IL1RAPL1: variants seen among roughly 807,000 people sequenced by gnomAD.
IL1RAPL1 encodes the protein interleukin-1 receptor accessory protein-like 1.
Under a neutral mutation model 48.4 loss-of-function variants are expected in IL1RAPL1, and 3 were observed. That is an observed-to-expected ratio of 0.06 (90% confidence interval 0.03 to 0.16). IL1RAPL1 has a LOEUF of 0.16. Among genes scored for constraint, IL1RAPL1 ranks in the 10% least tolerant of loss-of-function variants. The pLI, the probability that IL1RAPL1 is intolerant of heterozygous loss-of-function variation, is 1.00. For synonymous variants in IL1RAPL1, 185 were observed against 187.7 expected (o/e 0.99, Z 0.12); for missense variants, 349 against 530.6 (o/e 0.66, Z 3.36).
chrX:29,183,288 G>A (rs746962596), intron 2 of IL1RAPL1, among the ~76,000 whole-genome samples: 4 of 111,292 alleles, frequency 3.6e-5, no homozygotes, highest in Admixed American at 1.9e-4. Context: ...GACTGAGTTC[G>A]CTCTGATCAT....
At chrX:29,306,666 G>C (rs1279507544) in intron 3 of IL1RAPL1, among the ~76,000 whole-genome samples, 1 of 104,895 alleles carries the variant, frequency 9.5e-6, no homozygotes, top group Non-Finnish European at 1.9e-5. Flanking sequence ...TTCACGACCA[G>C]CCTGGCCAAT....
At chrX:28,929,771 G>A (rs1227001568) in intron 2 of IL1RAPL1, among the ~76,000 whole-genome samples, 3 of 112,217 alleles carry the variant, frequency 2.7e-5, no homozygotes, top group Non-Finnish European at 5.6e-5. Context: ...GTTGGTGTGA[G>A]GAATTTGTGA....
intron 6 of IL1RAPL1, among the ~76,000 whole-genome samples, chrX:29,784,926 A>C (rs1314546996): frequency 8.9e-6 from 1 of 112,277 alleles, no homozygotes. Flanking sequence ...TTAAAAGAAT[A>C]AAATTAGTTC....
intron 6 of IL1RAPL1, among the ~76,000 whole-genome samples, chrX:29,753,819 G>A (rs1436907455): frequency 8.9e-6 from 1 of 111,907 alleles, no homozygotes; most frequent in East Asian, 2.8e-4. Flanking sequence ...ATTTTCAAAA[G>A]TGCTGAAATA....
At chrX:29,301,963 AG>A (rs1361428617) in intron 3 of IL1RAPL1, among the ~76,000 whole-genome samples, 3 of 111,384 alleles carry the variant, frequency 2.7e-5, no homozygotes, top group Non-Finnish European at 5.7e-5. Context: ...GAGCTTCAGA[AG>A]GGAAAAGCAA....
chrX:28,749,554 A>G (rs1029804334), intron 1 of IL1RAPL1, among the ~76,000 whole-genome samples: 4 of 111,579 alleles, frequency 3.6e-5, no homozygotes, highest in African/African-American at 1.3e-4. Flanking sequence ...GGCCATTTGT[A>G]TGTCTTCTTT....
intron 3 of IL1RAPL1, among the ~76,000 whole-genome samples, chrX:29,309,886 G>A (rs1381588647): frequency 9.3e-6 from 1 of 106,968 alleles, no homozygotes; most frequent in Non-Finnish European, 1.9e-5. Flanking sequence ...ACGAGGTCAG[G>A]AGATGGAGAC....
At chrX:29,197,707 AT>A (rs201963010) in intron 2 of IL1RAPL1, among the ~76,000 whole-genome samples, 1,100 of 93,742 alleles carry the variant, frequency 0.012, 2 homozygotes, top group Admixed American at 0.031. Context: ...TTCAGTGAGA[AT>A]TTTTTTTTTT....
chrX:29,022,093 A>G (rs1602015784), intron 2 of IL1RAPL1, among the ~76,000 whole-genome samples: 2 of 111,141 alleles, frequency 1.8e-5, no homozygotes, highest in South Asian at 7.5e-4. Flanking sequence ...TTCCATTTGC[A>G]CCTTCACCAG....
intron 3 of IL1RAPL1, among the ~76,000 whole-genome samples, chrX:29,294,682 A>G (rs1932423797): frequency 1.8e-5 from 2 of 111,350 alleles, no homozygotes; most frequent in Non-Finnish European, 3.8e-5. Context: ...TTACACAGAC[A>G]GGTGGTGGGA....
intron 1 of IL1RAPL1, among the ~76,000 whole-genome samples, chrX:28,658,018 T>C (rs757727162): frequency 3.9e-4 from 44 of 112,058 alleles, no homozygotes; most frequent in African/African-American, 1.4e-3. Flanking sequence ...ATCAACAACA[T>C]TGTGTTATGA....
At chrX:29,859,956 G>T (rs1931545163) in intron 6 of IL1RAPL1, among the ~76,000 whole-genome samples, 1 of 111,971 alleles carries the variant, frequency 8.9e-6, no homozygotes, top group Admixed American at 9.5e-5. Flanking sequence ...GTACAAGAGT[G>T]GTGAGGACTG....
At chrX:28,615,432 C>T (rs749650218) in intron 1 of IL1RAPL1, among the ~76,000 whole-genome samples, 6 of 109,518 alleles carry the variant, frequency 5.5e-5, no homozygotes, top group Non-Finnish European at 1.1e-4. Flanking sequence ...AATACTATAG[C>T]TCGATTGTGT....
chrX:29,726,401 A>C (rs1224336598), intron 6 of IL1RAPL1, among the ~76,000 whole-genome samples: 1 of 112,044 alleles, frequency 8.9e-6, no homozygotes, highest in African/African-American at 3.2e-5. Context: ...CTTTTGATTC[A>C]GTTTCTGAAC....
At chrX:29,517,794 G>A (rs1935462179) in intron 5 of IL1RAPL1, among the ~76,000 whole-genome samples, 1 of 111,891 alleles carries the variant, frequency 8.9e-6, no homozygotes, top group South Asian at 3.7e-4. Flanking sequence ...AATACATCTA[G>A]TAATCATTGG....
At chrX:29,234,549 AATATTGAC>A (rs1423569387) in intron 2 of IL1RAPL1, among the ~76,000 whole-genome samples, 1 of 112,238 alleles carries the variant, frequency 8.9e-6, no homozygotes, top group Admixed American at 9.5e-5. Context: ...GCATGCTATA[AATATTGAC>A]TGATGGACTC....
chrX:29,042,716 C>T (rs766499011), intron 2 of IL1RAPL1, among the ~76,000 whole-genome samples: 2 of 111,665 alleles, frequency 1.8e-5, no homozygotes, highest in South Asian at 7.4e-4. Flanking sequence ...ACAGAACACA[C>T]ATAAAAATGG....
chrX:28,596,353 T>C (rs1450206968), intron 1 of IL1RAPL1, among the ~76,000 whole-genome samples: 7 of 109,015 alleles, frequency 6.4e-5, no homozygotes, highest in Non-Finnish European at 1.3e-4. Flanking sequence ...CTCCCTCCCT[T>C]CCTTCCTTCC....
At chrX:28,886,656 C>T (rs961401903) in intron 2 of IL1RAPL1, among the ~76,000 whole-genome samples, 3 of 109,928 alleles carry the variant, frequency 2.7e-5, no homozygotes, top group Non-Finnish European at 5.7e-5. Flanking sequence ...AAACGTTTAC[C>T]AATGAAGAAT....
Sources: gnomAD v4.1 joint callset for allele counts (sites outside exome capture counted in the v4.1 genomes callset) on GRCh38, gnomAD v4.1.1 for gene constraint, MANE v1.5 for transcripts, NCBI Gene and HGNC (gene_info 2026-07-23, HGNC 2026-07-21) for gene names.